The following CHST15 variants were observed in gnomAD, a reference collection of about 807,000 sequenced individuals.
CHST15 encodes the protein carbohydrate sulfotransferase 15.
In CHST15, 30 loss-of-function variants were observed where a neutral mutation model predicts 53.6. The observed-to-expected ratio is 0.56, with a 90% CI of 0.42 to 0.76. CHST15 has a LOEUF of 0.76. Ranked by LOEUF, CHST15 falls within the 30% of genes least tolerant of loss-of-function variation. The pLI, the probability that CHST15 is intolerant of heterozygous loss-of-function variation, is 0.00. For synonymous variants in CHST15, 296 were observed against 289.8 expected (o/e 1.02, Z -0.22); for missense variants, 627 against 740.5 (o/e 0.85, Z 1.78).
chr10:124,059,719 G>A (rs938169100), intron 1 of CHST15, among the ~76,000 whole-genome samples: 4 of 152,154 alleles, frequency 2.6e-5, no homozygotes, highest in East Asian at 1.9e-4. Context: ...CAGGCGGCGC[G>A]ACTGAAAGGG....
At chr10:124,015,400 G>C (rs1007380919) in intron 6 of CHST15, among the ~76,000 whole-genome samples, 4 of 152,044 alleles carry the variant, frequency 2.6e-5, no homozygotes, top group Non-Finnish European at 4.4e-5. Context: ...GGCAGGGCGG[G>C]GGGGGCTACT....
chr10:124,070,556 A>T (rs551322952), intron 1 of CHST15, among the ~76,000 whole-genome samples: 1 of 151,738 alleles, frequency 6.6e-6, no homozygotes, highest in Admixed American at 6.6e-5. Flanking sequence ...TTTTTTTTTT[A>T]AATAGAAACG....
At chr10:124,091,728 G>T (rs1463696631) in intron 1 of CHST15, among the ~76,000 whole-genome samples, 9 of 152,268 alleles carry the variant, frequency 5.9e-5, no homozygotes. Context: ...CTGTCACAGC[G>T]GCTCCGCGCA....
At chr10:124,090,758 G>C (rs1159161746) in intron 1 of CHST15, among the ~76,000 whole-genome samples, 1 of 152,228 alleles carries the variant, frequency 6.6e-6, no homozygotes, top group Non-Finnish European at 1.5e-5. Flanking sequence ...CAGGACAGTG[G>C]CTCAGACATG....
At position 124,008,382 on chromosome 10, in the gene CHST15, T is replaced by C. The variant is rs1261868060; in HGVS notation, c.*1767A>G. The C allele has an allele frequency of 2.0e-6, 2 of 1,009,140 alleles. No individual in the cohort carries two copies. Among genetic ancestry groups the C allele is most frequent in the Non-Finnish European group, 2.4e-6 (2 of 846,076 alleles). The allele number at this position is 1,009,140 out of a possible 1,614,324, so 62.5% of individuals were successfully genotyped here. A position where few individuals can be genotyped will look rare whatever the true frequency, so the allele number is the denominator to read the frequency against. On this transcript the variant is annotated 3_prime_UTR_variant, in exon 8 of 8. Coordinates refer to ENST00000435907, the MANE Select transcript of CHST15 (RefSeq NM_001270764.2). ...ACGCGCGCACTGTACTGCAAATAAA[T>C]ATACACACACACTGAAGTGATCTCT... is the stretch of plus-strand genomic sequence containing the variant.
intron 6 of CHST15, among the ~76,000 whole-genome samples, chr10:124,017,711 G>A (rs1946633851): frequency 1.3e-5 from 2 of 152,164 alleles, no homozygotes; most frequent in African/African-American, 4.8e-5. Flanking sequence ...CTAGATTTGG[G>A]TCCTAGATCC....
At chr10:124,088,079 C>T (rs545668622) in intron 1 of CHST15, among the ~76,000 whole-genome samples, 1 of 152,202 alleles carries the variant, frequency 6.6e-6, no homozygotes, top group Non-Finnish European at 1.5e-5. Context: ...TTAGGAGCTC[C>T]GGGGCTGAAG....
chr10:124,045,242 G>A (rs926152681), intron 2 of CHST15, among the ~76,000 whole-genome samples: 1 of 150,310 alleles, frequency 6.7e-6, no homozygotes, highest in East Asian at 2.0e-4. Flanking sequence ...CGGTAATTAA[G>A]CAGAATCTTT....
At chr10:124,015,780 G>A (rs1946566531) in intron 6 of CHST15, among the ~76,000 whole-genome samples, 1 of 152,246 alleles carries the variant, frequency 6.6e-6, no homozygotes, top group Non-Finnish European at 1.5e-5. Flanking sequence ...GAGCTCAACT[G>A]GTAAAGAAAC....
intron 7 of CHST15, chr10:124,011,844 C>T (rs1413766201): frequency 9.1e-6 from 9 of 985,330 alleles, no homozygotes; most frequent in African/African-American, 1.7e-5. Context: ...ATGCAATGAT[C>T]TGTCTGTTCC....
intron 1 of CHST15, among the ~76,000 whole-genome samples, chr10:124,089,697 C>T (rs981576151): frequency 3.3e-5 from 5 of 152,246 alleles, no homozygotes; most frequent in African/African-American, 1.2e-4. Flanking sequence ...CACACTCCCC[C>T]GAGTCCACCC....
intron 1 of CHST15, 102 bp from the exon 2 acceptor site, chr10:124,046,826 C>G (rs777054461): frequency 2.0e-5 from 3 of 152,336 alleles, no homozygotes; most frequent in African/African-American, 4.8e-5. Context: ...TTTTCCACCT[C>G]TAAGTCCAGC....
At chr10:124,047,419 A>G (rs1273826182) in intron 1 of CHST15, among the ~76,000 whole-genome samples, 5 of 152,264 alleles carry the variant, frequency 3.3e-5, no homozygotes, top group South Asian at 4.1e-4. Context: ...AGAACCTGAC[A>G]TAATTTTTCA....
intron 1 of CHST15, among the ~76,000 whole-genome samples, chr10:124,050,762 C>CG (rs1368700376): frequency 6.6e-6 from 1 of 152,028 alleles, no homozygotes; most frequent in Non-Finnish European, 1.5e-5. Context: ...GCAAAGGCCC[C>CG]GTAGAGAGAC....
chr10:124,093,573 T>A lies in CHST15; in HGVS notation c.-617A>T, dbSNP rs1949676253. 6.6e-6 allele frequency: 1 copy of A among 152,204 alleles called. No homozygotes were observed. Among genetic ancestry groups the A allele is most frequent in the Non-Finnish European group, 1.5e-5 (1 of 68,070 alleles). 9.4% of individuals were successfully genotyped at this position (152,204 alleles called of 1,614,324 possible). ...CGCATCCAGGGCGCGTCAACCTGAC[T>A]CCCCGAGCGCTGGGAGGAAAAGTTT... On this transcript the variant is annotated 5_prime_UTR_variant, in exon 1 of 8. Transcript: ENST00000435907.
intron 7 of CHST15, chr10:124,010,755 C>G (rs80319524): frequency 2.0e-6 from 2 of 985,406 alleles, no homozygotes. Flanking sequence ...TCTGGAATTC[C>G]GCCATCATCG....
In CHST15 at chr10:124,057,977, C is replaced by A. The variant is rs545988931; in HGVS notation, c.-512-11253G>T. On this transcript the variant is annotated intron_variant, in intron 1 of 7. Transcript: ENST00000435907. The stretch of plus-strand genomic sequence containing the variant: ...TATGTTCATGCTGCAGTTCTCCCCC[C>A]CAATGATTTCAATGTGCACAAAAGA... Among the ~76,000 whole-genome samples, 5 of 152,254 alleles carry A rather than the reference C, an allele frequency of 3.3e-5. No homozygotes were observed. In the South Asian group the frequency reaches 6.2e-4, roughly 19 times the overall value.
chr10:124,045,134 A>AAACAAAAC (rs1564882339), intron 2 of CHST15, among the ~76,000 whole-genome samples: 4 of 147,544 alleles, frequency 2.7e-5, no homozygotes, highest in African/African-American at 1.0e-4. Context: ...AAAAAAAAAA[A>AAACAAAAC]AAAAAAAAAA....
intron 1 of CHST15, among the ~76,000 whole-genome samples, chr10:124,066,045 CT>C (rs11300716): frequency 0.32 from 49,024 of 151,802 alleles, 7,976 homozygotes; most frequent in Middle Eastern, 0.42. Flanking sequence ...GTCTTTTTGT[CT>C]TTTTTTTCTT....
Sources: gnomAD v4.1 joint callset for allele counts (sites outside exome capture counted in the v4.1 genomes callset) on GRCh38, gnomAD v4.1.1 for gene constraint, MANE v1.5 for transcripts, NCBI Gene and HGNC (gene_info 2026-07-23, HGNC 2026-07-21) for gene names.